The following ANKS1B variants were observed in gnomAD, a reference collection of about 807,000 sequenced individuals.
ANKS1B encodes the protein ankyrin repeat and sterile alpha motif domain containing 1B.
ANKS1B carries 36 observed loss-of-function variants against 148.3 expected under a neutral mutation model. The observed-to-expected ratio is 0.24, with a 90% confidence interval of 0.19 to 0.32. ANKS1B has a LOEUF of 0.32. ANKS1B is among the 10% of genes least tolerant of loss of function. The probability of loss-of-function intolerance (pLI) is 1.00; values close to 1 mark genes in which losing one functional copy is unlikely to be tolerated. For missense variants in ANKS1B, 1,157 were observed against 1,542.6 expected (o/e 0.75, Z 4.19); for synonymous variants, 542 against 560.8 (o/e 0.97, Z 0.47).
chr12:99,814,969 CA>C (rs2068914385), intron 2 of ANKS1B, among the ~76,000 whole-genome samples: 1 of 151,586 alleles, frequency 6.6e-6, no homozygotes, highest in South Asian at 2.1e-4. Flanking sequence ...TAGCCTACTA[CA>C]AAATAGACTT....
chr12:98,888,902 A>C (rs114015934), intron 17 of ANKS1B, among the ~76,000 whole-genome samples: 5 of 152,342 alleles, frequency 3.3e-5, no homozygotes, highest in African/African-American at 1.2e-4. Context: ...TCTGCTCTAG[A>C]AAACTAGGAC....
intron 16 of ANKS1B, among the ~76,000 whole-genome samples, chr12:99,058,972 C>T (rs1188895887): frequency 1.1e-4 from 16 of 151,530 alleles, no homozygotes; most frequent in African/African-American, 2.2e-4. Context: ...CTCCTGACCT[C>T]GTGATCCGCC....
chr12:99,835,068 A>G (rs574698525), intron 1 of ANKS1B, among the ~76,000 whole-genome samples: 3 of 152,244 alleles, frequency 2.0e-5, no homozygotes, highest in Admixed American at 6.5e-5. Context: ...CATGGGCTAC[A>G]AGTGTCCCAC....
intron 8 of ANKS1B, among the ~76,000 whole-genome samples, chr12:99,731,413 C>T (rs1485107699): frequency 1.4e-5 from 2 of 143,726 alleles, no homozygotes; most frequent in East Asian, 2.1e-4. Flanking sequence ...ACCACCGTGC[C>T]GTGTGTGTGT....
At chr12:99,695,491 C>A (rs2053747053) in intron 8 of ANKS1B, among the ~76,000 whole-genome samples, 1 of 152,174 alleles carries the variant, frequency 6.6e-6, no homozygotes, top group Non-Finnish European at 1.5e-5. Context: ...GCTATTGATT[C>A]TTTTCTCCTG....
At chr12:99,256,106 T>G (rs1040915206) in intron 12 of ANKS1B, among the ~76,000 whole-genome samples, 1 of 152,008 alleles carries the variant, frequency 6.6e-6, no homozygotes, top group Non-Finnish European at 1.5e-5. Flanking sequence ...AAAAATCAAC[T>G]GGCTGTGGTG....
intron 14 of ANKS1B, among the ~76,000 whole-genome samples, chr12:99,170,250 T>A (rs2077612022): frequency 6.6e-6 from 1 of 152,214 alleles, no homozygotes; most frequent in African/African-American, 2.4e-5. Context: ...CTGTGCTATG[T>A]GTCCAGAAGA....
chr12:99,525,099 A>G (rs536483773), intron 9 of ANKS1B, among the ~76,000 whole-genome samples: 2 of 142,310 alleles, frequency 1.4e-5, no homozygotes, highest in South Asian at 4.2e-4. Flanking sequence ...AGAATAATAC[A>G]TTTGTGTTGT....
At chr12:98,993,403 A>C (rs1023659807) in intron 17 of ANKS1B, among the ~76,000 whole-genome samples, 1 of 152,140 alleles carries the variant, frequency 6.6e-6, no homozygotes, top group Non-Finnish European at 1.5e-5. Flanking sequence ...TCCTGGCCTC[A>C]AGTGATCCGC....
intron 22 of ANKS1B, among the ~76,000 whole-genome samples, chr12:98,798,252 G>T (rs2098968542): frequency 6.6e-6 from 1 of 151,882 alleles, no homozygotes; most frequent in African/African-American, 2.4e-5. Flanking sequence ...CTCCCAAGTA[G>T]CTGGGATTAC....
At chr12:99,820,711 T>C (rs909237842) in intron 2 of ANKS1B, among the ~76,000 whole-genome samples, 1 of 152,016 alleles carries the variant, frequency 6.6e-6, no homozygotes, top group African/African-American at 2.4e-5. Context: ...TTTAAGCCAA[T>C]ATTAAAATTA....
chr12:99,560,443 G>A (rs117010226), intron 9 of ANKS1B, among the ~76,000 whole-genome samples: 2,266 of 151,168 alleles, frequency 0.015, 64 homozygotes, highest in East Asian at 0.1. Flanking sequence ...AACCTTATCC[G>A]TATCCATTTC....
intron 1 of ANKS1B, among the ~76,000 whole-genome samples, chr12:99,944,114 G>A (rs1007166188): frequency 2.6e-5 from 4 of 152,040 alleles, no homozygotes; most frequent in Non-Finnish European, 5.9e-5. Context: ...AGAGATCTTA[G>A]CAGCCTGGGA....
intron 17 of ANKS1B, among the ~76,000 whole-genome samples, chr12:99,052,879 T>C (rs1038134632): frequency 2.6e-5 from 4 of 151,920 alleles, no homozygotes; most frequent in Non-Finnish European, 5.9e-5. Context: ...ATCTATATCC[T>C]ATAACTGAAA....
At chr12:99,220,836 T>TA (rs1316555765) in intron 14 of ANKS1B, among the ~76,000 whole-genome samples, 3 of 152,110 alleles carry the variant, frequency 2.0e-5, no homozygotes, top group African/African-American at 7.2e-5. Context: ...CTAGTAAAAA[T>TA]AAAGTTTGAT....
chr12:99,132,759 T>C (rs1425333279), intron 15 of ANKS1B, among the ~76,000 whole-genome samples: 1 of 152,198 alleles, frequency 6.6e-6, no homozygotes, highest in African/African-American at 2.4e-5. Context: ...TTCTTTTTGC[T>C]TGTCTATTAA....
At chr12:99,636,687 T>C (rs1387000565) in intron 9 of ANKS1B, among the ~76,000 whole-genome samples, 2 of 152,158 alleles carry the variant, frequency 1.3e-5, no homozygotes, top group Admixed American at 1.3e-4. Flanking sequence ...GGCAGAGTGT[T>C]GTCTTGTTCA....
intron 11 of ANKS1B, among the ~76,000 whole-genome samples, chr12:99,437,229 C>A (rs1349665641): frequency 6.6e-6 from 1 of 151,870 alleles, no homozygotes; most frequent in Non-Finnish European, 1.5e-5. Flanking sequence ...AACAAGTTCC[C>A]ATGGGCCTCT....
At chr12:98,898,153 G>A (rs544329982) in intron 17 of ANKS1B, among the ~76,000 whole-genome samples, 127 of 152,118 alleles carry the variant, frequency 8.3e-4, no homozygotes, top group African/African-American at 3.0e-3. Context: ...CAACCTCACC[G>A]TTATACAACA....
Sources: gnomAD v4.1 joint callset for allele counts (sites outside exome capture counted in the v4.1 genomes callset) on GRCh38, gnomAD v4.1.1 for gene constraint, MANE v1.5 for transcripts, NCBI Gene and HGNC (gene_info 2026-07-23, HGNC 2026-07-21) for gene names.